The following ZNF827 variants were observed in gnomAD, a reference collection of about 807,000 sequenced individuals.
ZNF827 encodes the protein zinc finger protein 827.
In ZNF827, 13 loss-of-function variants were observed where a neutral mutation model predicts 102.4. That is an observed-to-expected ratio of 0.13 (90% confidence interval 0.08 to 0.20). The LOEUF is 0.20. Ranked by LOEUF, ZNF827 falls within the 10% of genes least tolerant of loss-of-function variation. The pLI, the probability that ZNF827 is intolerant of heterozygous loss-of-function variation, is 1.00. For synonymous variants in ZNF827, 523 were observed against 536.2 expected, an observed-to-expected ratio of 0.98 and a Z score of 0.34; for missense variants, 1,103 against 1,344.4, an observed-to-expected ratio of 0.82 and a Z score of 2.81.
intron 1 of ZNF827, among the ~76,000 whole-genome samples, chr4:145,918,534 T>C (rs1232795546): frequency 1.3e-5 from 2 of 149,926 alleles, no homozygotes; most frequent in African/African-American, 4.9e-5. Flanking sequence ...AATTCCGATA[T>C]ATGGCAACAA....
intron 1 of ZNF827, among the ~76,000 whole-genome samples, chr4:145,916,472 C>T (rs556838987): frequency 6.6e-4 from 101 of 152,266 alleles, no homozygotes; most frequent in Non-Finnish European, 1.1e-3. Context: ...TCTCTTTGGA[C>T]ATTTCCTTTC....
At chr4:145,872,338 C>G (rs1343942328) in intron 4 of ZNF827, among the ~76,000 whole-genome samples, 1 of 152,074 alleles carries the variant, frequency 6.6e-6, no homozygotes, top group Non-Finnish European at 1.5e-5. Flanking sequence ...GAGAGAGAGA[C>G]ACCAGGGATG....
intron 5 of ZNF827, among the ~76,000 whole-genome samples, chr4:145,850,978 A>G (rs530867501): frequency 6.6e-5 from 10 of 152,338 alleles, no homozygotes; most frequent in African/African-American, 2.4e-4. Flanking sequence ...CCCAAATCCA[A>G]TGACAAGTGT....
At chr4:145,866,661 T>C (rs1207526566) in intron 5 of ZNF827, among the ~76,000 whole-genome samples, 1 of 152,238 alleles carries the variant, frequency 6.6e-6, no homozygotes, top group African/African-American at 2.4e-5. Context: ...AGCTCCAGCT[T>C]TCCAGCTATG....
chr4:145,857,535 G>GT (rs2126697417), intron 5 of ZNF827, among the ~76,000 whole-genome samples: 1 of 152,326 alleles, frequency 6.6e-6, no homozygotes, highest in Admixed American at 6.5e-5. Flanking sequence ...GGCCACAACA[G>GT]TATGCCCACA....
intron 3 of ZNF827, 136 bp downstream of exon 3, chr4:145,892,107 T>C (rs1001974688): frequency 1.3e-6 from 1 of 743,434 alleles, no homozygotes; most frequent in Non-Finnish European, 2.1e-6. Flanking sequence ...TCTACCTTGC[T>C]ACGTGGAGTA....
At chr4:145,892,773 T>A (rs1310943834) in intron 2 of ZNF827, among the ~76,000 whole-genome samples, 3 of 152,264 alleles carry the variant, frequency 2.0e-5, no homozygotes, top group Non-Finnish European at 2.9e-5. Context: ...GAAGTCTGAA[T>A]GCAGGGGCTT....
rs1257801529 is a variant in ZNF827 at position 145,776,107 on chromosome 4, G to A, written c.2522-147C>T. ...CAATGGTAATGCCTAGGAATTGTAA[G>A]TATCTAAAAGTCTTTACCCAGCAGG... On this transcript the variant is annotated intron_variant, in intron 9 of 14. Coordinates refer to ENST00000508784, the MANE Select transcript of ZNF827 (RefSeq NM_001306215.2). 4 of 879,816 alleles carry A rather than the reference G, an allele frequency of 4.5e-6. No homozygotes were observed. The Admixed American group carries it at 7.8e-5, about 17-fold the overall frequency. 54.5% of individuals were successfully genotyped at this position (879,816 alleles called of 1,614,324 possible).
At chr4:145,892,217 G>A (rs1164589858) in intron 3 of ZNF827, 26 bp downstream of exon 3, 3 of 1,586,876 alleles carry the variant, frequency 1.9e-6, no homozygotes, top group Non-Finnish European at 1.7e-6. Context: ...TGCCTCTCCA[G>A]GAGGTGCAGT....
At chr4:145,897,781 C>T (rs75102198) in intron 2 of ZNF827, among the ~76,000 whole-genome samples, 52 of 152,242 alleles carry the variant, frequency 3.4e-4, no homozygotes, top group Non-Finnish European at 6.2e-4. Flanking sequence ...AGATTAATGA[C>T]GGACAGTTCT....
In ZNF827 at chr4:145,938,478, G is replaced by A; in HGVS notation, c.-71C>T. 1 of 1,215,710 alleles carries A rather than the reference G, an allele frequency of 8.2e-7. No individual in the cohort carries two copies. The highest frequency in any genetic ancestry group is 1.4e-5 in the South Asian group (1 of 72,674). 75.3% of individuals were successfully genotyped at this position (1,215,710 alleles called of 1,614,324 possible). A position where few individuals can be genotyped will look rare whatever the true frequency, so the allele number is the denominator to read the frequency against. Reference sequence around the variant, plus strand: ...AATAAACCCCCGTGGGGGCAGAGAGGCAGACACTGGCAGGAGCGGGGAGGT... The same window carrying A: ...AATAAACCCCCGTGGGGGCAGAGAGACAGACACTGGCAGGAGCGGGGAGGT... On this transcript the variant is annotated 5_prime_UTR_variant, in exon 1 of 15. Coordinates refer to ENST00000508784, the MANE Select transcript of ZNF827 (RefSeq NM_001306215.2).
At chr4:145,824,513 A>T (rs796400320) in intron 7 of ZNF827, among the ~76,000 whole-genome samples, 4 of 152,326 alleles carry the variant, frequency 2.6e-5, no homozygotes, top group African/African-American at 9.6e-5. Context: ...TGCCACCCTG[A>T]GGCTGGAGGG....
At chr4:145,803,407 T>C (rs1404122571) in intron 8 of ZNF827, among the ~76,000 whole-genome samples, 3 of 152,066 alleles carry the variant, frequency 2.0e-5, no homozygotes, top group African/African-American at 4.8e-5. Context: ...CTCAAGCTGG[T>C]TACCACCAAG....
At chr4:145,916,137 C>A (rs989649329) in intron 1 of ZNF827, among the ~76,000 whole-genome samples, 1 of 152,212 alleles carries the variant, frequency 6.6e-6, no homozygotes, top group African/African-American at 2.4e-5. Context: ...CAGCCTGAAG[C>A]TGCATGCTCC....
At chr4:145,883,174 G>A (rs562394858) in intron 4 of ZNF827, among the ~76,000 whole-genome samples, 1 of 151,766 alleles carries the variant, frequency 6.6e-6, no homozygotes, top group East Asian at 1.9e-4. Flanking sequence ...ATCCAAATAT[G>A]CACACACAAA....
intron 1 of ZNF827, among the ~76,000 whole-genome samples, chr4:145,930,007 A>T (rs968032602): frequency 6.6e-6 from 1 of 152,174 alleles, no homozygotes; most frequent in Middle Eastern, 3.2e-3. Flanking sequence ...TGTACGTTTG[A>T]CTGCTGCCCT....
chr4:145,884,819 T>C (rs528752098), intron 4 of ZNF827, among the ~76,000 whole-genome samples: 1 of 152,346 alleles, frequency 6.6e-6, no homozygotes, highest in East Asian at 1.9e-4. Flanking sequence ...CTCCATCTTT[T>C]TTTCCCAAAT....
chr4:145,900,073 C>T (rs1751295838), intron 2 of ZNF827, among the ~76,000 whole-genome samples: 1 of 152,140 alleles, frequency 6.6e-6, no homozygotes, highest in South Asian at 2.1e-4. Flanking sequence ...GTATTTCCCA[C>T]AACAAAACAA....
At chr4:145,802,606 T>C (rs1741018574) in intron 8 of ZNF827, among the ~76,000 whole-genome samples, 1 of 152,216 alleles carries the variant, frequency 6.6e-6, no homozygotes, top group Non-Finnish European at 1.5e-5. Flanking sequence ...AATTTCTGGT[T>C]GTGACCCGCC....
Sources: gnomAD v4.1 joint callset for allele counts (sites outside exome capture counted in the v4.1 genomes callset) on GRCh38, gnomAD v4.1.1 for gene constraint, MANE v1.5 for transcripts, NCBI Gene and HGNC (gene_info 2026-07-23, HGNC 2026-07-21) for gene names.